The following HIRA variants were observed in gnomAD, a reference collection of about 807,000 sequenced individuals.
HIRA encodes protein HIRA.
A neutral mutation model predicts 126.6 loss-of-function variants in HIRA; 13 were observed. That is an observed-to-expected ratio of 0.10 (90% confidence interval 0.07 to 0.16). The LOEUF (loss-of-function observed/expected upper bound fraction) is 0.16, where lower values mean the gene tolerates loss of function less well. HIRA is among the 10% of genes least tolerant of loss of function. The probability of loss-of-function intolerance (pLI) is 1.00; values close to 1 mark genes in which losing one functional copy is unlikely to be tolerated. For missense variants in HIRA, 834 were observed against 1,314.4 expected, an observed-to-expected ratio of 0.63 and a Z score of 5.65; for synonymous variants, 511 against 520.0, an observed-to-expected ratio of 0.98 and a Z score of 0.24.
chr22:19,424,441 A>G (rs2089473543), intron 1 of HIRA, among the ~76,000 whole-genome samples: 1 of 152,224 alleles, frequency 6.6e-6, no homozygotes, highest in Non-Finnish European at 1.5e-5. Context: ...AAGGCTCACC[A>G]AGCACATTTC....
At chr22:19,363,052 G>A (rs1181838797) in intron 15 of HIRA, among the ~76,000 whole-genome samples, 3 of 151,106 alleles carry the variant, frequency 2.0e-5, no homozygotes, top group Admixed American at 6.6e-5. Context: ...TGGCCAACAC[G>A]GTGAAACCCT....
At chr22:19,345,398 G>T (rs1394041709) in intron 24 of HIRA, among the ~76,000 whole-genome samples, 1 of 152,122 alleles carries the variant, frequency 6.6e-6, no homozygotes, top group Non-Finnish European at 1.5e-5. Flanking sequence ...GTAAAGGATG[G>T]TTTTTCCACT....
chr22:19,391,131 G>A (rs745938990), intron 9 of HIRA, among the ~76,000 whole-genome samples: 7 of 152,236 alleles, frequency 4.6e-5, no homozygotes, highest in South Asian at 4.1e-4. Context: ...AAATTGTGGT[G>A]TATTCATACA....
In HIRA at chr22:19,385,701, T is replaced by C. The variant is rs760723104; in HGVS notation, c.1149A>G (p.Leu383=). The C allele has an allele frequency of 6.2e-7, 1 of 1,614,026 alleles. No individual in the cohort carries two copies. The highest frequency in any genetic ancestry group is 1.1e-5 in the South Asian group (1 of 91,058). Residue 383 remains leucine (L), a synonymous_variant, in exon 12 of 25, where the codon CTA becomes CTG. Transcript: ENST00000263208. ...RIHQSTYGKS[L]AIMTEAQLST... is the part of the protein sequence containing the mutation. ...AGAGCTGGGCCTCGGTCATGATGGC[T>C]AGGCTCTTGCCATAGGTGGACTGGT... is the stretch of plus-strand genomic sequence containing the variant.
chr22:19,431,605 A>C lies in HIRA; in HGVS notation c.-129T>G. On this transcript the variant is annotated 5_prime_UTR_variant, in exon 1 of 25. An upstream open reading frame in the 5' UTR loses its in-frame stop. Coordinates refer to ENST00000263208, the MANE Select transcript of HIRA (RefSeq NM_003325.4). ...CGGCCGCCGCCCGCCCCGCGCCCTCAGGGCCGCCGCGCCATCGCCGGCCCG... is the reference window on the plus strand; with the variant it reads ...CGGCCGCCGCCCGCCCCGCGCCCTCCGGGCCGCCGCGCCATCGCCGGCCCG... 1.2e-6 allele frequency: 1 copy of C among 862,508 alleles called. No homozygotes were observed. The highest frequency in any genetic ancestry group is 1.4e-6 in the Non-Finnish European group (1 of 720,714). The allele number at this position is 862,508 out of a possible 1,614,324, so 53.4% of individuals were successfully genotyped here. A position where few individuals can be genotyped will look rare whatever the true frequency, so the allele number is the denominator to read the frequency against.
At chr22:19,422,825 C>G (rs1407023579) in intron 1 of HIRA, among the ~76,000 whole-genome samples, 1 of 152,192 alleles carries the variant, frequency 6.6e-6, no homozygotes, top group East Asian at 1.9e-4. Context: ...AGTCTTCCTC[C>G]AGGTCAGACC....
chr22:19,388,563 A>C lies in HIRA; in HGVS notation c.937-9T>G, dbSNP rs2089148642. On this transcript the variant is annotated splice_polypyrimidine_tract_variant and intron_variant, in intron 9 of 24. Coordinates refer to ENST00000263208, the MANE Select transcript of HIRA (RefSeq NM_003325.4). ...CGTTTCAGACATGTGAGCTGGAAGG[A>C]AAGACACAGTCAAGGTTAATGAAAT... 1.2e-6 allele frequency: 2 copies of C among 1,609,192 alleles called. No homozygotes were observed. Among genetic ancestry groups the C allele is most frequent in the Non-Finnish European group, 1.7e-6 (2 of 1,175,590 alleles).
At chr22:19,431,312 T>C in intron 1 of HIRA, 128 bp downstream of exon 1, 1 of 1,074,802 alleles carries the variant, frequency 9.3e-7, no homozygotes, top group Non-Finnish European at 1.4e-6. Context: ...TCCCGCCGGC[T>C]TCTTGGCTTG....
intron 15 of HIRA, among the ~76,000 whole-genome samples, chr22:19,369,962 C>G (rs2088950373): frequency 6.6e-6 from 1 of 152,158 alleles, no homozygotes; most frequent in Non-Finnish European, 1.5e-5. Flanking sequence ...AAAATCTCCA[C>G]TGATGGGTGT....
In HIRA at chr22:19,431,508, G is replaced by A. The variant is rs1376252912; in HGVS notation, c.-32C>T. On this transcript the variant is annotated 5_prime_UTR_variant, in exon 1 of 25. Coordinates refer to ENST00000263208, the MANE Select transcript of HIRA (RefSeq NM_003325.4). ...GCCGCCGCCGCCGCCGGGCTGAGGC[G>A]AGCGCCGGGTCCCTCAGCGCGCCCG... The A allele has an allele frequency of 1.9e-6, 3 of 1,565,608 alleles. No homozygotes were observed. Among genetic ancestry groups the A allele is most frequent in the Non-Finnish European group, 2.6e-6 (3 of 1,157,690 alleles).
Position 19,409,042 on chromosome 22 carries a change from C to T in HIRA, c.101-449G>A, listed in dbSNP as rs527323702. ...CCTAAAAAGCAAACAGAAAAGCACA[C>T]CCTAGTGGGGTTTCCCTCCCCTTCC... On this transcript the variant is annotated intron_variant, in intron 2 of 24. Coordinates refer to ENST00000263208, the MANE Select transcript of HIRA (RefSeq NM_003325.4). 1.1e-4 allele frequency among the ~76,000 whole-genome samples: 16 copies of T among 152,320 alleles called. No homozygotes were observed. The South Asian group carries it at 2.7e-3, about 26-fold the overall frequency.
intron 24 of HIRA, among the ~76,000 whole-genome samples, chr22:19,339,944 C>G (rs2088608751): frequency 6.6e-6 from 1 of 152,120 alleles, no homozygotes; most frequent in East Asian, 1.9e-4. Context: ...ATTGAACATT[C>G]AAAGAAGAAT....
chr22:19,358,783 T>A (rs191821827), intron 18 of HIRA, among the ~76,000 whole-genome samples: 1 of 152,230 alleles, frequency 6.6e-6, no homozygotes, highest in Admixed American at 6.5e-5. Flanking sequence ...AGGAGAAACA[T>A]TGGTTCCCCT....
chr22:19,363,195 C>T (rs1453927610), intron 15 of HIRA, among the ~76,000 whole-genome samples: 6 of 150,392 alleles, frequency 4.0e-5, no homozygotes, highest in Non-Finnish European at 1.5e-5. Context: ...GATCGTGCCA[C>T]TGCACTCCAG....
At chr22:19,334,485 C>T (rs1210692) in intron 24 of HIRA, among the ~76,000 whole-genome samples, 145,571 of 150,058 alleles carry the variant, frequency 0.97, 70,688 homozygotes, top group African/African-American at 0.99. Context: ...ACCCCATCTC[C>T]ACTAAAAATA....
chr22:19,424,653 T>C (rs2089475103), intron 1 of HIRA, among the ~76,000 whole-genome samples: 1 of 151,468 alleles, frequency 6.6e-6, no homozygotes, highest in Middle Eastern at 3.2e-3. Context: ...GCTTAGCAAA[T>C]TAGAAAGAGT....
chr22:19,348,860 G>T (rs185976907), intron 24 of HIRA, among the ~76,000 whole-genome samples: 1 of 150,750 alleles, frequency 6.6e-6, no homozygotes, highest in East Asian at 2.0e-4. Flanking sequence ...ACAATGGCGT[G>T]ATCTTGGCTC....
At chr22:19,364,550 T>G (rs2088894860) in intron 15 of HIRA, among the ~76,000 whole-genome samples, 1 of 152,232 alleles carries the variant, frequency 6.6e-6, no homozygotes, top group Admixed American at 6.5e-5. Context: ...ATTCTTATTG[T>G]ATCTGTTTTG....
intron 24 of HIRA, 23 bp from the exon 25 acceptor site, chr22:19,331,579 G>A (rs782302286): frequency 4.5e-6 from 7 of 1,564,068 alleles, no homozygotes; most frequent in Non-Finnish European, 6.1e-6. Context: ...AGTGACAGCT[G>A]AGTGCAAGTG....
Sources: allele counts gnomAD v4.1 joint callset (sites outside exome capture counted in the v4.1 genomes callset), GRCh38; gene constraint gnomAD v4.1.1; transcripts MANE v1.5; gene names NCBI Gene and HGNC (gene_info 2026-07-23, HGNC 2026-07-21).